Variants in FRY observed in about 807,000 individuals in gnomAD.
The protein encoded by FRY is FRY microtubule binding protein.
In FRY, 128 loss-of-function variants were observed where a neutral mutation model predicts 348.4. The ratio of observed to expected loss-of-function variants is 0.37; its 90% CI spans 0.32 to 0.43. FRY has a LOEUF of 0.43. Ranked by LOEUF, FRY falls within the 20% of genes least tolerant of loss-of-function variation. The pLI is 1.00. For synonymous variants in FRY, 1,370 were observed against 1,374.7 expected, an observed-to-expected ratio of 1.00 and a Z score of 0.08; for missense variants, 2,736 against 3,695.2, an observed-to-expected ratio of 0.74 and a Z score of 6.73.
chr13:32,226,356 G>A (rs1376929577), intron 39 of FRY, among the ~76,000 whole-genome samples: 1 of 152,086 alleles, frequency 6.6e-6, no homozygotes, highest in African/African-American at 2.4e-5. Flanking sequence ...CCAAGGTGCC[G>A]GATGTATCAC....
chr13:32,155,365 CT>C lies in FRY; in HGVS notation c.1480-122del, dbSNP rs1881047950. On this transcript the variant is annotated intron_variant, in intron 14 of 60. Transcript: ENST00000542859. ...ATAAGATTGCTCTACACTCTTGTGG[CT>C]TTTAAATTATTTTCTCATACTCATC... is the stretch of plus-strand genomic sequence containing the variant. The C allele has an allele frequency of 5.3e-6, 4 of 749,560 alleles. No individual in the cohort carries two copies. The East Asian group carries it at 1.0e-4, about 19-fold the overall frequency. The allele number at this position is 749,560 out of a possible 1,614,324, so 46.4% of individuals were successfully genotyped here.
At chr13:32,150,959 A>G (rs141646992) in intron 14 of FRY, among the ~76,000 whole-genome samples, 8 of 152,318 alleles carry the variant, frequency 5.3e-5, no homozygotes, top group Non-Finnish European at 1.2e-4. Flanking sequence ...AGGCTTCTGG[A>G]ATGGCTGCAG....
chr13:32,100,161 G>A lies in FRY; in HGVS notation c.271-1802G>A, dbSNP rs1005113925. Reference sequence around the variant, plus strand: ...TGCTCTGTCACCAGGCTGGAGTGCCGTGGAGCAATCTTGGGTTCAAGTAAT... The same window carrying A: ...TGCTCTGTCACCAGGCTGGAGTGCCATGGAGCAATCTTGGGTTCAAGTAAT... On this transcript the variant is annotated intron_variant, in intron 2 of 60. Coordinates refer to ENST00000542859, the MANE Select transcript of FRY (RefSeq NM_023037.3). 8.7e-5 allele frequency among the ~76,000 whole-genome samples: 13 copies of A among 148,680 alleles called. No individual in the cohort carries two copies. The South Asian group carries it at 1.7e-3, about 19-fold the overall frequency.
intron 1 of FRY, among the ~76,000 whole-genome samples, chr13:32,043,201 G>A (rs149143074): frequency 3.3e-5 from 5 of 152,258 alleles, no homozygotes; most frequent in Non-Finnish European, 1.5e-5. Flanking sequence ...TCACTACCAC[G>A]AGAACAGTAT....
rs34413710 is a variant in FRY at position 32,133,768 on chromosome 13, C to CTTTTTTTTTTTTTTTTTTTTTTTTTTTT, written c.886-1114_886-1113insTTTTTTTTTTTTTTTTTTTTTTTTTTTT. On this transcript the variant is annotated intron_variant, in intron 8 of 60. Coordinates refer to ENST00000542859, the MANE Select transcript of FRY (RefSeq NM_023037.3). Reference sequence around the variant, plus strand: ...CTTTCTTTTCTTTCTTTCTTTCTTTCTTTTTTTTTTTTTTTTTTTTTTGAA... The same window carrying CTTTTTTTTTTTTTTTTTTTTTTTTTTTT: ...CTTTCTTTTCTTTCTTTCTTTCTTTCTTTTTTTTTTTTTTTTTTTTTTTTTTTTTTTTTTTTTTTTTTTTTTTTTTGAA... 7.4e-4 allele frequency among the ~76,000 whole-genome samples: 66 copies of CTTTTTTTTTTTTTTTTTTTTTTTTTTTT among 89,288 alleles called. 1 individual carries two copies. The highest frequency in any genetic ancestry group is 1.7e-3 in the South Asian group (4 of 2,386). 58.6% of individuals were successfully genotyped at this position (89,288 alleles called of 152,430 possible).
At position 32,224,999 on chromosome 13, in the gene FRY, G is replaced by A. The variant is rs771433113; in HGVS notation, c.4983G>A (p.Ala1661=). The change falls in exon 38 of 61, where the codon GCG becomes GCA. Residue 1661 remains alanine, a synonymous_variant. Transcript: ENST00000542859. ...ATCACAGTGTACGAGAAGACTGGGC[G>A]CTTCATCTACCATTATTACTTCATG... ...VVDHSVREDW[A]LHLPLLLHAV... is the part of the protein sequence containing the mutation. 5.6e-6 allele frequency: 9 copies of A among 1,610,420 alleles called. No individual in the cohort carries two copies. The highest frequency in any genetic ancestry group is 7.6e-6 in the Non-Finnish European group (9 of 1,176,648).
intron 35 of FRY, among the ~76,000 whole-genome samples, chr13:32,214,519 A>G (rs1406587304): frequency 6.6e-6 from 1 of 152,200 alleles, no homozygotes; most frequent in African/African-American, 2.4e-5. Flanking sequence ...AGTGTGGCCC[A>G]GGGAAGCCAA....
intron 35 of FRY, among the ~76,000 whole-genome samples, 173 bp downstream of exon 35, chr13:32,212,555 A>G (rs1884746911): frequency 6.6e-6 from 1 of 152,230 alleles, no homozygotes; most frequent in Non-Finnish European, 1.5e-5. Context: ...CCCTAAAGAT[A>G]ACAGTTATTT....
chr13:32,277,151 T>A (rs1336635847), intron 57 of FRY, among the ~76,000 whole-genome samples: 1 of 152,180 alleles, frequency 6.6e-6, no homozygotes, highest in Non-Finnish European at 1.5e-5. Context: ...AATAATTAAT[T>A]GTATGTAGTA....
intron 2 of FRY, among the ~76,000 whole-genome samples, chr13:32,096,437 C>CG (rs368268179): frequency 0.036 from 5,374 of 147,982 alleles, 176 homozygotes; most frequent in African/African-American, 0.074. Context: ...GGGAAAACTG[C>CG]GGGGGGGGGC....
chr13:32,078,754 ATATTTATG>A (rs1241791525), intron 1 of FRY, 72 bp from the exon 2 acceptor site: 5 of 1,034,520 alleles, frequency 4.8e-6, no homozygotes, highest in Non-Finnish European at 6.1e-6. Context: ...TCATATCCTG[ATATTTATG>A]GTTTAACACA....
intron 34 of FRY, among the ~76,000 whole-genome samples, chr13:32,211,665 C>A (rs967490542): frequency 7.9e-5 from 12 of 152,276 alleles, no homozygotes; most frequent in African/African-American, 2.9e-4. Context: ...TATATTCCTT[C>A]AGCGTTGATT....
chr13:32,159,986 T>A (rs935848598), intron 16 of FRY, among the ~76,000 whole-genome samples: 1 of 152,178 alleles, frequency 6.6e-6, no homozygotes, highest in African/African-American at 2.4e-5. Context: ...GAAAATAATC[T>A]TATGACTGCC....
At chr13:32,274,450 G>C (rs1040595904) in intron 55 of FRY, among the ~76,000 whole-genome samples, 4 of 152,062 alleles carry the variant, frequency 2.6e-5, no homozygotes, top group South Asian at 2.1e-4. Context: ...GCTCACACCT[G>C]TAATCCCAGC....
In FRY at chr13:32,295,594, T is replaced by C; in HGVS notation, c.*134T>C. On this transcript the variant is annotated 3_prime_UTR_variant, in exon 61 of 61. Transcript: ENST00000542859. Reference sequence around the variant, plus strand: ...CTCTTGTTACCTGTAGGGCTTTTTCTAAAGAGGATGGCAGAACTTCCAACG... The same window carrying C: ...CTCTTGTTACCTGTAGGGCTTTTTCCAAAGAGGATGGCAGAACTTCCAACG... The C allele has an allele frequency of 1.2e-6, 1 of 831,528 alleles. No individual in the cohort carries two copies. Among genetic ancestry groups the C allele is most frequent in the Non-Finnish European group, 2.0e-6 (1 of 507,304 alleles). 51.5% of individuals were successfully genotyped at this position (831,528 alleles called of 1,614,324 possible).
chr13:32,262,205 T>C, intron 52 of FRY, 109 bp from the exon 53 acceptor site: 2 of 836,542 alleles, frequency 2.4e-6, no homozygotes, highest in Non-Finnish European at 4.0e-6. Context: ...AATGGTGAAA[T>C]GTGGAAGTTA....
intron 11 of FRY, among the ~76,000 whole-genome samples, chr13:32,146,132 T>C (rs961388385): frequency 6.6e-6 from 1 of 150,472 alleles, no homozygotes; most frequent in African/African-American, 2.4e-5. Context: ...TCCATTTCTC[T>C]CAGATTCCAT....
intron 27 of FRY, 123 bp downstream of exon 27, chr13:32,186,543 C>A: frequency 4.1e-6 from 3 of 725,026 alleles, no homozygotes; most frequent in Admixed American, 2.1e-5. Flanking sequence ...AAAATCTAAG[C>A]GCACATACAA....
At chr13:32,217,720 G>A (rs537824198) in intron 35 of FRY, among the ~76,000 whole-genome samples, 13 of 152,288 alleles carry the variant, frequency 8.5e-5, no homozygotes, top group African/African-American at 2.9e-4. Context: ...GTATAACTTC[G>A]CCTCCCCTCA....
Sources: gnomAD v4.1 joint callset for allele counts (sites outside exome capture counted in the v4.1 genomes callset) on GRCh38, gnomAD v4.1.1 for gene constraint, MANE v1.5 for transcripts, NCBI Gene and HGNC (gene_info 2026-07-23, HGNC 2026-07-21) for gene names.